Variants in SLC5A2 observed in about 807,000 individuals in gnomAD.
The protein encoded by SLC5A2 is sodium/glucose cotransporter 2.
Under a neutral mutation model 69.0 loss-of-function variants are expected in SLC5A2, and 67 were observed. That is an observed-to-expected ratio of 0.97 (90% CI 0.80 to 1.19). The LOEUF is 1.19. Ranked by LOEUF, SLC5A2 falls within the 50% of genes most tolerant of loss-of-function variation. The probability of loss-of-function intolerance (pLI) is 0.00; values close to 1 mark genes in which losing one functional copy is unlikely to be tolerated. For synonymous variants in SLC5A2, 455 were observed against 395.8 expected (o/e 1.15, Z -1.78); for missense variants, 1,001 against 921.5 (o/e 1.09, Z -1.12).
intron 5 of SLC5A2, among the ~76,000 whole-genome samples, chr16:31,486,767 C>T (rs898612467): frequency 6.6e-6 from 1 of 152,206 alleles, no homozygotes; most frequent in Non-Finnish European, 1.5e-5. Context: ...AAACTGGGGC[C>T]GGCTGGGAGC....
rs1281319374 is a variant in SLC5A2, at chr16:31,488,063, G to A, written c.911G>A (p.Gly304Glu). The change falls in exon 8 of 14, where the codon GGG becomes GAG. Residue 304 changes from glycine to glutamate, a missense_variant. Physicochemically the swap from Gly to Glu is moderately conservative, Grantham distance 98. Coordinates refer to ENST00000330498, the MANE Select transcript of SLC5A2 (RefSeq NM_003041.4). Reference protein sequence around the residue: ...DQVIVQRCLAGKSLTHIKAGC... With the variant: ...DQVIVQRCLAEKSLTHIKAGC... Reference sequence around the variant, plus strand: ...GTCATCGTGCAGCGCTGCCTGGCCGGGAAGAGCCTGACCCACATCAAGGCG... The same window carrying A: ...GTCATCGTGCAGCGCTGCCTGGCCGAGAAGAGCCTGACCCACATCAAGGCG... 5.0e-6 allele frequency: 8 copies of A among 1,613,812 alleles called. No homozygotes were observed. The highest frequency in any genetic ancestry group is 6.8e-6 in the Non-Finnish European group (8 of 1,179,972).
At chr16:31,484,626 C>T (rs778866131) in intron 1 of SLC5A2, 47 bp from the exon 2 acceptor site, 3 of 1,580,142 alleles carry the variant, frequency 1.9e-6, no homozygotes, top group Non-Finnish European at 2.6e-6. Flanking sequence ...CTGATGAGGT[C>T]CAAGGCTGTG....
chr16:31,484,147 G>C (rs914778292), intron 1 of SLC5A2, among the ~76,000 whole-genome samples: 1 of 151,912 alleles, frequency 6.6e-6, no homozygotes, highest in Non-Finnish European at 1.5e-5. Context: ...TACTTTGGGA[G>C]GCTGAGGCAG....
intron 3 of SLC5A2, chr16:31,485,486 TG>T (rs1320875896): frequency 1.7e-6 from 1 of 589,796 alleles, no homozygotes. Context: ...GGGACAACAT[TG>T]GGAAAAACGG....
intron 3 of SLC5A2, 191 bp from the exon 4 acceptor site, chr16:31,485,538 T>G: frequency 1.6e-6 from 1 of 641,086 alleles, no homozygotes; most frequent in Non-Finnish European, 2.7e-6. Context: ...GGGCTCCAGT[T>G]AAGAGCCCAG....
At position 31,487,309 on chromosome 16, in the gene SLC5A2, G is replaced by A. The variant is rs757072532; in HGVS notation, c.575-11G>A. On this transcript the variant is annotated splice_polypyrimidine_tract_variant and intron_variant, in intron 5 of 13. Coordinates refer to ENST00000330498, the MANE Select transcript of SLC5A2 (RefSeq NM_003041.4). The stretch of plus-strand genomic sequence containing the variant: ...ACAGCTGGGCTGTCCCCTGACCCCG[G>A]CCTGTTGCAGGAGGGCTGGCCGCGC... The A allele has an allele frequency of 3.1e-6, 5 of 1,613,746 alleles. No individual in the cohort carries two copies. The highest frequency in any genetic ancestry group is 4.2e-6 in the Non-Finnish European group (5 of 1,179,958).
At position 31,484,715 on chromosome 16, in the gene SLC5A2, C is replaced by T; in HGVS notation, c.169C>T (p.Leu57=). Residue 57 remains leucine, a synonymous_variant, in exon 2 of 14, where the codon CTG becomes TTG. Transcript: ENST00000330498. ...TNRGTVGGYF[L]AGRSMVWWPV... Reference sequence around the variant, plus strand: ...CAGAGGCACTGTGGGCGGCTACTTCCTGGCAGGACGCAGCATGGTGTGGTG... The same window carrying T: ...CAGAGGCACTGTGGGCGGCTACTTCTTGGCAGGACGCAGCATGGTGTGGTG... The T allele has an allele frequency of 6.2e-7, 1 of 1,609,896 alleles. No individual in the cohort carries two copies. Among genetic ancestry groups the T allele is most frequent in the Non-Finnish European group, 8.5e-7 (1 of 1,180,038 alleles).
In SLC5A2 at chr16:31,486,152, A is replaced by G; in HGVS notation, c.469-18A>G. On this transcript the variant is annotated intron_variant, in intron 4 of 13. Coordinates refer to ENST00000330498, the MANE Select transcript of SLC5A2 (RefSeq NM_003041.4). ...ACACTGCCCTGGGTCCTGACCTGGCACTTGCTTCTCCCCCAAGGTGGACAT... is the reference window on the plus strand; with the variant it reads ...ACACTGCCCTGGGTCCTGACCTGGCGCTTGCTTCTCCCCCAAGGTGGACAT... The G allele has an allele frequency of 6.3e-7, 1 of 1,597,926 alleles. No individual in the cohort carries two copies. Among genetic ancestry groups the G allele is most frequent in the Non-Finnish European group, 8.6e-7 (1 of 1,165,304 alleles).
intron 3 of SLC5A2, 118 bp from the exon 4 acceptor site, chr16:31,485,611 T>G: frequency 1.6e-6 from 2 of 1,278,488 alleles, no homozygotes; most frequent in Non-Finnish European, 2.2e-6. Context: ...AGTTGTCCTC[T>G]GGGCCCCAGA....
At chr16:31,484,946 A>T (rs766625192) in intron 3 of SLC5A2, 23 bp downstream of exon 3, 1 of 1,599,948 alleles carries the variant, frequency 6.3e-7, no homozygotes, top group Non-Finnish European at 8.6e-7. Context: ...TTTTTCCAAT[A>T]ACCCCACCCT....
rs774514650 is a variant in SLC5A2, at chr16:31,489,127, C to A, written c.1454C>A (p.Ala485Asp). 6.2e-7 allele frequency: 1 copy of A among 1,608,298 alleles called. No individual in the cohort carries two copies. The highest frequency in any genetic ancestry group is 1.1e-5 in the South Asian group (1 of 91,072). Residue 485 changes from alanine to aspartate, a missense_variant, in exon 12 of 14, where the codon GCC becomes GAC. Coordinates refer to ENST00000330498, the MANE Select transcript of SLC5A2 (RefSeq NM_003041.4). Reference sequence around the variant, plus strand: ...GCTGACCTGTTTCCTTCGCAGGGCGCCTTCTGGGGACTCATCGGGGGCCTG... The same window carrying A: ...GCTGACCTGTTTCCTTCGCAGGGCGACTTCTGGGGACTCATCGGGGGCCTG... Reference protein sequence around the residue: ...LFVPRVNEQGAFWGLIGGLLM... With the variant: ...LFVPRVNEQGDFWGLIGGLLM...
chr16:31,484,950 C>T, intron 3 of SLC5A2, 27 bp downstream of exon 3: 5 of 1,593,286 alleles, frequency 3.1e-6, no homozygotes, highest in Non-Finnish European at 4.3e-6. Flanking sequence ...TCCAATAACC[C>T]CACCCTCAGT....
At position 31,487,583 on chromosome 16, in the gene SLC5A2, G is replaced by A. The variant is rs1463185550; in HGVS notation, c.709G>A (p.Ala237Thr). 4 of 1,613,930 alleles carry A rather than the reference G, an allele frequency of 2.5e-6. No individual in the cohort carries two copies. The East Asian group carries it at 8.9e-5, about 36-fold the overall frequency. Residue 237 changes from alanine (A) to threonine (T), a missense_variant, in exon 7 of 14, where the codon GCG becomes ACG. By Grantham distance (58) the Ala-to-Thr change is moderately conservative (BLOSUM62 0). Coordinates refer to ENST00000330498, the MANE Select transcript of SLC5A2 (RefSeq NM_003041.4). ...TCTCTTCGACAAATACCTGGGAGCAGCGACTTCGCTGACGGTGTCCGAGGA... is the reference window on the plus strand; with the variant it reads ...TCTCTTCGACAAATACCTGGGAGCAACGACTTCGCTGACGGTGTCCGAGGA... ...SGLFDKYLGA[A>T]TSLTVSEDPA... is the part of the protein sequence containing the mutation.
chr16:31,488,929 G>T lies in SLC5A2; in HGVS notation c.1330G>T (p.Val444Leu). ...AGTGTCGGTGGCCTGGCTTCCCGTG[G>T]TGCAGGCGGCACAGGGCGGGCAGCT... ...VVVSVAWLPV[V>L]QAAQGGQLFD... is the part of the protein sequence containing the mutation. Residue 444 changes from valine (V) to leucine (L), a missense_variant, in exon 11 of 14, where the codon GTG becomes TTG. By Grantham distance (32) the Val-to-Leu change is conservative. Coordinates refer to ENST00000330498, the MANE Select transcript of SLC5A2 (RefSeq NM_003041.4). 2 of 1,604,808 alleles carry T rather than the reference G, an allele frequency of 1.2e-6. No individual in the cohort carries two copies. The highest frequency in any genetic ancestry group is 1.7e-4 in the Middle Eastern group (1 of 6,020).
intron 3 of SLC5A2, 94 bp downstream of exon 3, chr16:31,485,017 T>C (rs1316441033): frequency 1.7e-6 from 2 of 1,147,086 alleles, no homozygotes; most frequent in Non-Finnish European, 2.6e-6. Flanking sequence ...GGAATGAGAC[T>C]GGCAGTGGGA....
At position 31,487,352 on chromosome 16, in the gene SLC5A2, G is replaced by T; in HGVS notation, c.607G>T (p.Val203Leu). 1 of 1,613,870 alleles carries T rather than the reference G, an allele frequency of 6.2e-7. No homozygotes were observed. Among genetic ancestry groups the T allele is most frequent in the Non-Finnish European group, 8.5e-7 (1 of 1,180,022 alleles). Residue 203 changes from valine to leucine, a missense_variant, in exon 6 of 14, where the codon GTA becomes TTA. Coordinates refer to ENST00000330498, the MANE Select transcript of SLC5A2 (RefSeq NM_003041.4). ...GLAALMYTDT[V>L]QTFVILGGAC... ...GGCCGCGCTGATGTACACGGACACG[G>T]TACAGACCTTCGTCATTCTGGGGGG... is the stretch of plus-strand genomic sequence containing the variant.
intron 1 of SLC5A2, among the ~76,000 whole-genome samples, 190 bp from the exon 2 acceptor site, chr16:31,484,483 A>C (rs2082479519): frequency 6.6e-6 from 1 of 152,028 alleles, no homozygotes; most frequent in African/African-American, 2.4e-5. Flanking sequence ...AACTGGGGGA[A>C]TAGGACACTG....
chr16:31,484,693 A>T lies in SLC5A2; in HGVS notation c.147A>T (p.Arg49Ser). The T allele has an allele frequency of 6.2e-7, 1 of 1,608,744 alleles. No individual in the cohort carries two copies. The highest frequency in any genetic ancestry group is 8.5e-7 in the Non-Finnish European group (1 of 1,180,002). ...CCCAGTCCATGTGCAGAACCAACAG[A>T]GGCACTGTGGGCGGCTACTTCCTGG... ...VGLWSMCRTN[R>S]GTVGGYFLAG... Residue 49 changes from arginine to serine, a missense_variant, in exon 2 of 14, where the codon AGA (arginine) becomes AGT (serine). Transcript: ENST00000330498.
Position 31,488,722 on chromosome 16 carries a change from C to G in SLC5A2, c.1230C>G (p.Tyr410Ter), listed in dbSNP as rs2082524407. ...GCACGCTCTTCACCATGGACATCTA[C>G]ACGCGCCTGCGGCCACGCGCCGGCG... ...SSSTLFTMDI[Y>*]TRLRPRAGDR... is the part of the protein sequence containing the mutation. The change falls in exon 10 of 14, where the codon TAC (tyrosine) becomes TAG (stop). Residue 410 changes from tyrosine (Y) to a stop codon, truncating the protein, a stop_gained. Transcript: ENST00000330498. LOFTEE classifies it high-confidence loss of function. The G allele has an allele frequency of 6.2e-7, 1 of 1,611,666 alleles. No individual in the cohort carries two copies. The highest frequency in any genetic ancestry group is 8.5e-7 in the Non-Finnish European group (1 of 1,179,132).
Sources: allele counts gnomAD v4.1 joint callset (sites outside exome capture counted in the v4.1 genomes callset), GRCh38; gene constraint gnomAD v4.1.1; transcripts MANE v1.5; gene names NCBI Gene and HGNC (gene_info 2026-07-23, HGNC 2026-07-21).